The following CHAT variants were observed in gnomAD, a reference collection of about 807,000 sequenced individuals.
The protein encoded by CHAT is choline O-acetyltransferase, also known as acetyl CoA:choline O-acetyltransferase.
A neutral mutation model predicts 76.9 loss-of-function variants in CHAT; 61 were observed. The ratio of observed to expected loss-of-function variants is 0.79; its 90% CI spans 0.65 to 0.98. The LOEUF (loss-of-function observed/expected upper bound fraction) is 0.98, where lower values mean the gene tolerates loss of function less well. Ranked by LOEUF, CHAT falls within the 50% of genes least tolerant of loss-of-function variation. The probability of loss-of-function intolerance (pLI) is 0.00; values close to 1 mark genes in which losing one functional copy is unlikely to be tolerated. For synonymous variants in CHAT, 407 were observed against 397.4 expected (o/e 1.02, Z -0.29); for missense variants, 946 against 986.9 (o/e 0.96, Z 0.56).
intron 13 of CHAT, among the ~76,000 whole-genome samples, chr10:49,657,269 A>G (rs577659843): frequency 2.0e-5 from 3 of 152,292 alleles, no homozygotes; most frequent in South Asian, 2.1e-4. Flanking sequence ...GTGTCCTCAC[A>G]TAGTGGAAGG....
upstream of CHAT, chr10:49,610,542 G>T (rs1316396282): frequency 5.7e-6 from 3 of 526,664 alleles, no homozygotes; most frequent in East Asian, 3.3e-5. Context: ...TCGGCTAAGA[G>T]TAGCTGCAAC....
intron 7 of CHAT, among the ~76,000 whole-genome samples, chr10:49,639,158 T>C (rs1368066188): frequency 6.6e-6 from 1 of 152,102 alleles, no homozygotes; most frequent in East Asian, 1.9e-4. Context: ...TGCTTGAACC[T>C]GGGAGGCGGA....
chr10:49,651,361 G>T lies in CHAT; in HGVS notation c.1512-523G>T, dbSNP rs542254993. On this transcript the variant is annotated intron_variant, in intron 10 of 14. Coordinates refer to ENST00000337653, the MANE Select transcript of CHAT (RefSeq NM_020549.5). Reference sequence around the variant, plus strand: ...CAGAAGGTGTGCGTGTGGGCTCGGGGTTCCCACTCAGGCTATGCGCTCTCC... The same window carrying T: ...CAGAAGGTGTGCGTGTGGGCTCGGGTTTCCCACTCAGGCTATGCGCTCTCC... Among the ~76,000 whole-genome samples the T allele has an allele frequency of 2.0e-5, 3 of 151,900 alleles. No homozygotes were observed. The South Asian group carries it at 6.2e-4, about 32-fold the overall frequency.
Position 49,667,225 on chromosome 10 carries a change from A to G in CHAT, c.*2179A>G, listed in dbSNP as rs1462902773. On this transcript the variant is annotated 3_prime_UTR_variant, in exon 15 of 15. Coordinates refer to ENST00000337653, the MANE Select transcript of CHAT (RefSeq NM_020549.5). ...AGGAGAGAAAAGGGAGGAAAGAACTAAGTCTCTCCTAGTCTATGGCATGCT... is the reference window on the plus strand; with the variant it reads ...AGGAGAGAAAAGGGAGGAAAGAACTGAGTCTCTCCTAGTCTATGGCATGCT... 1.3e-5 allele frequency among the ~76,000 whole-genome samples: 2 copies of G among 152,148 alleles called. No homozygotes were observed. The highest frequency in any genetic ancestry group is 2.4e-5 in the African/African-American group (1 of 41,420).
rs139452325 is a variant in CHAT, at chr10:49,620,809, A to G, written c.698+196A>G. The stretch of plus-strand genomic sequence containing the variant: ...GTGGCTGCACTCGAGTGACAATCAC[A>G]CAATTAGCCTTAGTCTATATTTATC... On this transcript the variant is annotated intron_variant, in intron 4 of 14. Transcript: ENST00000337653. Among the ~76,000 whole-genome samples the G allele has an allele frequency of 4.2e-3, 640 of 152,332 alleles. 8 individuals are homozygous for G. The highest frequency in any genetic ancestry group is 0.015 in the African/African-American group (612 of 41,578).
rs936767259 is a variant in CHAT, at chr10:49,616,611, C to T, written c.387+9C>T. 8.9e-6 allele frequency: 14 copies of T among 1,575,114 alleles called. No individual in the cohort carries two copies. The highest frequency in any genetic ancestry group is 1.2e-5 in the Non-Finnish European group (14 of 1,148,922). On this transcript the variant is annotated intron_variant, in intron 2 of 14. Transcript: ENST00000337653. ...CCAGCAGTGAGGAGTCTGTGAGTGA[C>T]TTTTGGAGCCCTCTCTCAACCCTGC...
chr10:49,655,555 T>C, intron 13 of CHAT, 107 bp downstream of exon 13: 7 of 1,059,414 alleles, frequency 6.6e-6, no homozygotes, highest in Non-Finnish European at 1.0e-5. Context: ...AGCCACCTGT[T>C]ACTCGGGGAC....
At chr10:49,647,740 T>TTTCCTTCCTTCCTTCC (rs146751288) in intron 8 of CHAT, among the ~76,000 whole-genome samples, 22 of 140,374 alleles carry the variant, frequency 1.6e-4, no homozygotes, top group Admixed American at 4.3e-4. Flanking sequence ...AAGACACCGC[T>TTTCCTTCCTTCCTTCC]TTCCTTCCTT....
At chr10:49,654,143 C>T (rs1168717341) in intron 11 of CHAT, among the ~76,000 whole-genome samples, 1 of 152,222 alleles carries the variant, frequency 6.6e-6, no homozygotes, top group Admixed American at 6.5e-5. Flanking sequence ...TGTTTGCCTC[C>T]AGGGACCATA....
intron 1 of CHAT, among the ~76,000 whole-genome samples, chr10:49,615,253 T>G (rs1215665955): frequency 3.9e-5 from 6 of 152,178 alleles, no homozygotes; most frequent in Admixed American, 3.9e-4. Context: ...TGCTGTCCTC[T>G]CAAAAGACTG....
At chr10:49,610,806 C>A (rs1326749783), upstream of CHAT, 2 of 1,593,816 alleles carry the variant, frequency 1.3e-6, no homozygotes, top group South Asian at 1.1e-5. Context: ...AGGCTGTGGG[C>A]GCGGCGCTGC....
chr10:49,655,403 G>A lies in CHAT; in HGVS notation c.1794G>A (p.Leu598=). The part of the protein sequence containing the change: ...KAAVPASEKL[L]LLKDAIRAQT... ...GTTGACAGGCTTCTGAGAAGCTTCT[G>A]CTCCTGAAGGATGCCATCCGTGCCC... The change falls in exon 13 of 15, where the codon CTG becomes CTA. Residue 598 remains leucine (L), a synonymous_variant. Transcript: ENST00000337653. 6.2e-7 allele frequency: 1 copy of A among 1,614,126 alleles called. No individual in the cohort carries two copies. Among genetic ancestry groups the A allele is most frequent in the Non-Finnish European group, 8.5e-7 (1 of 1,180,034 alleles).
At chr10:49,624,019 C>A (rs573897837) in intron 5 of CHAT, among the ~76,000 whole-genome samples, 1 of 152,178 alleles carries the variant, frequency 6.6e-6, no homozygotes, top group South Asian at 2.1e-4. Flanking sequence ...CATGCCCCTG[C>A]GTGCTAAAGC....
chr10:49,653,910 C>T (rs1839955978), intron 11 of CHAT, among the ~76,000 whole-genome samples: 1 of 152,282 alleles, frequency 6.6e-6, no homozygotes, highest in East Asian at 1.9e-4. Context: ...ATGCACCCCT[C>T]CTCCTCCTGC....
At chr10:49,646,904 C>G (rs1839689245) in intron 8 of CHAT, among the ~76,000 whole-genome samples, 1 of 152,190 alleles carries the variant, frequency 6.6e-6, no homozygotes. Flanking sequence ...TTCTCAGGAG[C>G]CAGTGGCCGA....
At chr10:49,627,509 C>T in intron 6 of CHAT, 99 bp from the exon 7 acceptor site, 2 of 1,254,286 alleles carry the variant, frequency 1.6e-6, no homozygotes, top group Non-Finnish European at 2.3e-6. Flanking sequence ...AACCTTGGGC[C>T]TGAGCATCCC....
At chr10:49,645,141 C>G (rs1482465473) in intron 7 of CHAT, among the ~76,000 whole-genome samples, 1 of 152,148 alleles carries the variant, frequency 6.6e-6, no homozygotes, top group African/African-American at 2.4e-5. Context: ...AGTTTGTTAT[C>G]CATGTACCAA....
rs1325174816 is a variant in CHAT, at chr10:49,665,364, A to G, written c.*318A>G. 6.6e-6 allele frequency among the ~76,000 whole-genome samples: 1 copy of G among 152,128 alleles called. No homozygotes were observed. The highest frequency in any genetic ancestry group is 1.5e-5 in the Non-Finnish European group (1 of 68,016). On this transcript the variant is annotated 3_prime_UTR_variant, in exon 15 of 15. Coordinates refer to ENST00000337653, the MANE Select transcript of CHAT (RefSeq NM_020549.5). Reference sequence around the variant, plus strand: ...TGTGGTCCTTGGAAGCTTAGTGTTCATGTCTCCTTCCCTAGCAGGACCTAG... The same window carrying G: ...TGTGGTCCTTGGAAGCTTAGTGTTCGTGTCTCCTTCCCTAGCAGGACCTAG...
At chr10:49,610,777 G>C (rs8187733), upstream of CHAT, 881 of 1,565,116 alleles carry the variant, frequency 5.6e-4, 3 homozygotes, top group African/African-American at 0.011. Flanking sequence ...GGCCCGGGCG[G>C]CGGCCACCAA....
Sources: gnomAD v4.1 joint callset for allele counts (sites outside exome capture counted in the v4.1 genomes callset) on GRCh38, gnomAD v4.1.1 for gene constraint, MANE v1.5 for transcripts, NCBI Gene and HGNC (gene_info 2026-07-23, HGNC 2026-07-21) for gene names.